BTG4: variants seen among roughly 807,000 people sequenced by gnomAD.
BTG4 encodes the protein BTG anti-proliferation factor 4, also known as protein BTG4.
Under a neutral mutation model 19.3 loss-of-function variants are expected in BTG4, and 10 were observed. That is an observed-to-expected ratio of 0.52 (90% CI 0.32 to 0.88). BTG4 has a LOEUF of 0.88. Among genes scored for constraint, BTG4 ranks in the 40% least tolerant of loss-of-function variants. The pLI, the probability that BTG4 is intolerant of heterozygous loss-of-function variation, is 0.04. For synonymous variants in BTG4, 91 were observed against 95.7 expected, an observed-to-expected ratio of 0.95 and a Z score of 0.29; for missense variants, 238 against 281.9, an observed-to-expected ratio of 0.84 and a Z score of 1.11.
At chr11:111,468,424 G>T (rs1863854209) in intron 5 of BTG4, among the ~76,000 whole-genome samples, 1 of 152,210 alleles carries the variant, frequency 6.6e-6, no homozygotes, top group Non-Finnish European at 1.5e-5. Flanking sequence ...TTGAAGCCCA[G>T]AGAGGCTAAG....
chr11:111,514,646 G>T (rs1433870448), upstream of BTG4: 4 of 658,870 alleles, frequency 6.1e-6, no homozygotes, highest in African/African-American at 5.5e-5. Context: ...CCCCACGCGC[G>T]TGGCGGATCC....
chr11:111,498,552 G>T, intron 2 of BTG4, 52 bp downstream of exon 2: 3 of 1,485,742 alleles, frequency 2.0e-6, no homozygotes, highest in Non-Finnish European at 2.8e-6. Context: ...CTAGGAGCTG[G>T]CTGGTTGCTT....
chr11:111,493,362 G>C (rs769292107), downstream of BTG4, among the ~76,000 whole-genome samples: 4 of 152,236 alleles, frequency 2.6e-5, no homozygotes, highest in Admixed American at 1.3e-4. Flanking sequence ...CAATAATCAG[G>C]TAACTAATGA....
downstream of BTG4, among the ~76,000 whole-genome samples, chr11:111,490,074 C>T (rs1412777525): frequency 7.3e-5 from 11 of 150,880 alleles, no homozygotes; most frequent in African/African-American, 2.2e-4. Flanking sequence ...GAGTTTGAGA[C>T]CAGCCTGGCC....
At chr11:111,442,431 G>A in the BTG4 span, among the ~76,000 whole-genome samples, 1 of 151,800 alleles carries the variant, frequency 6.6e-6, no homozygotes, top group Non-Finnish European at 1.5e-5. Context: ...AGCCAGGGAG[G>A]TGGAGGTTGC....
chr11:111,497,986 G>C lies in BTG4; in HGVS notation c.311+12C>G. 6.2e-7 allele frequency: 1 copy of C among 1,612,638 alleles called. No homozygotes were observed. Among genetic ancestry groups the C allele is most frequent in the Middle Eastern group, 1.7e-4 (1 of 6,058 alleles). ...AGGTATCACACAGCACACAAACTAT[G>C]AGATTACTCACCTACAGCATACTTC... On this transcript the variant is annotated intron_variant, in intron 3 of 4. Coordinates refer to ENST00000692032, the MANE Select transcript of BTG4 (RefSeq NM_001367975.1).
chr11:111,476,208 C>T (rs570655299), intron 5 of BTG4, among the ~76,000 whole-genome samples: 51 of 151,302 alleles, frequency 3.4e-4, no homozygotes, highest in African/African-American at 1.2e-3. Context: ...GGAAGATAGA[C>T]GATAGACTAC....
chr11:111,461,580 G>A, the BTG4 span, among the ~76,000 whole-genome samples: 3 of 152,184 alleles, frequency 2.0e-5, no homozygotes, highest in East Asian at 5.8e-4. Context: ...CGGGTGTGGT[G>A]GCAGTCACCT....
At chr11:111,405,409 A>AAAAAAAAAAAAAAAG in the BTG4 span, among the ~76,000 whole-genome samples, 1 of 32,100 alleles carries the variant, frequency 3.1e-5, no homozygotes, top group Non-Finnish European at 1.0e-4. Context: ...CGTCTCAAAA[A>AAAAAAAAAAAAAAAG]AAAAAAAAAA....
chr11:111,513,121 C>G (rs2187473), upstream of BTG4: 12 of 405,880 alleles, frequency 3.0e-5, no homozygotes, highest in African/African-American at 2.1e-5. Flanking sequence ...GTGGGTCCTG[C>G]GCAGCCTGCC....
At chr11:111,398,570 C>T in the BTG4 span, among the ~76,000 whole-genome samples, 1 of 152,160 alleles carries the variant, frequency 6.6e-6, no homozygotes, top group African/African-American at 2.4e-5. Context: ...TCTCCTGCCT[C>T]AGCCTCCCGA....
chr11:111,498,863 T>C, intron 1 of BTG4, 61 bp from the exon 2 acceptor site: 2 of 1,202,108 alleles, frequency 1.7e-6, no homozygotes, highest in Non-Finnish European at 2.3e-6. Context: ...ATTATCAATA[T>C]TTAACTGCCA....
At chr11:111,470,487 T>A (rs1011467041) in intron 5 of BTG4, among the ~76,000 whole-genome samples, 1 of 152,204 alleles carries the variant, frequency 6.6e-6, no homozygotes, top group Non-Finnish European at 1.5e-5. Context: ...TAATGTATTA[T>A]CAATAATTAA....
At chr11:111,404,023 C>A in the BTG4 span, among the ~76,000 whole-genome samples, 2 of 152,174 alleles carry the variant, frequency 1.3e-5, no homozygotes, top group Non-Finnish European at 2.9e-5. Flanking sequence ...ATCCTGAATT[C>A]CCATGTCTTG....
chr11:111,418,420 CCTT>C, the BTG4 span, among the ~76,000 whole-genome samples: 2 of 152,166 alleles, frequency 1.3e-5, no homozygotes, highest in East Asian at 3.8e-4. Context: ...CATTCTGTGA[CCTT>C]CTTCTTCAGG....
chr11:111,424,707 C>T, the BTG4 span, among the ~76,000 whole-genome samples: 1 of 152,186 alleles, frequency 6.6e-6, no homozygotes. Flanking sequence ...CCTGTAATCC[C>T]AACACTTTGA....
At chr11:111,425,862 T>C in the BTG4 span, among the ~76,000 whole-genome samples, 1 of 151,998 alleles carries the variant, frequency 6.6e-6, no homozygotes, top group Admixed American at 6.6e-5. Flanking sequence ...TGACACCCCA[T>C]CTCTACAAAA....
At chr11:111,432,543 C>G in the BTG4 span, among the ~76,000 whole-genome samples, 4 of 152,042 alleles carry the variant, frequency 2.6e-5, no homozygotes, top group Non-Finnish European at 5.9e-5. Context: ...ACTTGGGAGG[C>G]TGAGGCAGGA....
the BTG4 span, chr11:111,456,738 C>A: frequency 3.1e-6 from 1 of 322,004 alleles, no homozygotes; most frequent in South Asian, 2.4e-5. The surrounding 1 kb of genome is among the most constrained non-coding windows in gnomAD (Gnocchi z 4.2). Context: ...ACACCAATGC[C>A]GGTGAGCCCC....
Sources: allele counts gnomAD v4.1 joint callset (sites outside exome capture counted in the v4.1 genomes callset), GRCh38; gene constraint gnomAD v4.1.1; non-coding constraint Gnocchi (gnomAD v3.1); transcripts MANE v1.5; gene names NCBI Gene and HGNC (gene_info 2026-07-23, HGNC 2026-07-21).